The following PPP2R2D variants were observed in gnomAD, a reference collection of about 807,000 sequenced individuals.
PPP2R2D encodes protein phosphatase 2 regulatory subunit Bdelta.
A neutral mutation model predicts 31.1 loss-of-function variants in PPP2R2D; 9 were observed. The ratio of observed to expected loss-of-function variants is 0.29; its 90% CI spans 0.17 to 0.51. PPP2R2D has a LOEUF of 0.51. PPP2R2D is among the 20% of genes least tolerant of loss of function. The pLI, the probability that PPP2R2D is intolerant of heterozygous loss-of-function variation, is 0.98. For synonymous variants in PPP2R2D, 179 were observed against 172.6 expected (o/e 1.04, Z -0.29); for missense variants, 391 against 465.6 (o/e 0.84, Z 1.48).
the PPP2R2D span, chr10:131,966,646 G>A: frequency 0.019 from 2,818 of 152,284 alleles, 34 homozygotes; most frequent in Non-Finnish European, 0.029. Flanking sequence ...GAACTCCTGG[G>A]CTCAAGGGAT....
Position 131,957,913 on chromosome 10 carries a change from C to T in PPP2R2D, c.*1950C>T, listed in dbSNP as rs2036840129. ...AGATGGTGTGTGCTGATCCCCGTCC[C>T]CCTGTGGAGATGAAGGTGTGTGCTG... On this transcript the variant is annotated 3_prime_UTR_variant, in exon 9 of 9. Coordinates refer to ENST00000455566, the MANE Select transcript of PPP2R2D (RefSeq NM_018461.5). The T allele has an allele frequency of 1.4e-5, 2 of 143,814 alleles. No individual in the cohort carries two copies. Among genetic ancestry groups the T allele is most frequent in the South Asian group, 1.8e-4 (1 of 5,560 alleles). 8.9% of individuals were successfully genotyped at this position (143,814 alleles called of 1,614,324 possible). A position where few individuals can be genotyped will look rare whatever the true frequency, so the allele number is the denominator to read the frequency against.
At chr10:131,905,953 G>T (rs1402130657) in intron 2 of PPP2R2D, among the ~76,000 whole-genome samples, 2 of 152,366 alleles carry the variant, frequency 1.3e-5, no homozygotes, top group East Asian at 3.9e-4. Flanking sequence ...AAAATGGAAT[G>T]CCTTTAAAGG....
At chr10:131,962,882 G>A (rs2036942438), downstream of PPP2R2D, among the ~76,000 whole-genome samples, 1 of 152,184 alleles carries the variant, frequency 6.6e-6, no homozygotes, top group African/African-American at 2.4e-5. Context: ...ATTATCTTTG[G>A]GGCTAGGCAT....
At chr10:131,970,478 G>C in the PPP2R2D span, 1 of 1,088,406 alleles carries the variant, frequency 9.2e-7, no homozygotes, top group Non-Finnish European at 1.3e-6. The surrounding 1 kb of genome is among the most constrained non-coding windows in gnomAD (Gnocchi z 4.1). Flanking sequence ...GCAGGCTGGT[G>C]GTTTCTGGAC....
intron 2 of PPP2R2D, among the ~76,000 whole-genome samples, chr10:131,918,020 G>C (rs1478799814): frequency 2.1e-5 from 3 of 144,914 alleles, no homozygotes; most frequent in African/African-American, 7.7e-5. Flanking sequence ...GAATGACACA[G>C]TGTAGGGACC....
rs964564178 is a variant in PPP2R2D at position 131,904,415 on chromosome 10, C to T, written c.100+3085C>T. 9.3e-3 allele frequency among the ~76,000 whole-genome samples: 1,415 copies of T among 151,472 alleles called. 8 individuals carry two copies. Among genetic ancestry groups the T allele is most frequent in the Non-Finnish European group, 0.014 (959 of 67,896 alleles). ...GTCCCAGCTACTTGGGAGGCTGAGGCAGGAGAATGGCATGAACCCGGGAGG... is the reference window on the plus strand; with the variant it reads ...GTCCCAGCTACTTGGGAGGCTGAGGTAGGAGAATGGCATGAACCCGGGAGG... On this transcript the variant is annotated intron_variant, in intron 2 of 8. Coordinates refer to ENST00000455566, the MANE Select transcript of PPP2R2D (RefSeq NM_018461.5).
At chr10:131,909,563 A>G (rs934861729) in intron 2 of PPP2R2D, among the ~76,000 whole-genome samples, 4 of 152,212 alleles carry the variant, frequency 2.6e-5, no homozygotes. Context: ...TTTAGCAGGA[A>G]GACAGCCATA....
intron 2 of PPP2R2D, among the ~76,000 whole-genome samples, chr10:131,905,874 C>T (rs1418810869): frequency 1.3e-5 from 2 of 152,160 alleles, no homozygotes; most frequent in African/African-American, 4.8e-5. Flanking sequence ...TGGGATGGAG[C>T]TGTTCTTCTA....
At chr10:131,968,655 T>C in the PPP2R2D span, 2 of 1,209,772 alleles carry the variant, frequency 1.7e-6, no homozygotes. Flanking sequence ...CTCACTGTGG[T>C]TAGAGCTTAT....
chr10:131,906,469 G>T (rs1393247067), intron 2 of PPP2R2D, among the ~76,000 whole-genome samples: 2 of 152,148 alleles, frequency 1.3e-5, no homozygotes, highest in African/African-American at 4.8e-5. Context: ...TTGAGTCTGG[G>T]GAGTTATGTA....
rs117491837 is a variant in PPP2R2D at position 131,914,995 on chromosome 10, C to T, written c.100+13665C>T. On this transcript the variant is annotated intron_variant, in intron 2 of 8. Transcript: ENST00000455566. ...CCGTGCACCCCTAATAGTGACTCAG[C>T]ACTGCTTAGCACCCCACCTTCTGTT... is the stretch of plus-strand genomic sequence containing the variant. 2.8e-3 allele frequency among the ~76,000 whole-genome samples: 429 copies of T among 152,190 alleles called. 1 individual carries two copies. The highest frequency in any genetic ancestry group is 0.017 in the Middle Eastern group (5 of 294).
intron 3 of PPP2R2D, among the ~76,000 whole-genome samples, chr10:131,935,226 G>A (rs1267569593): frequency 3.3e-5 from 5 of 152,242 alleles, no homozygotes; most frequent in African/African-American, 1.2e-4. Context: ...AAGGAAGCAA[G>A]ATCATGATTT....
chr10:131,944,661 C>G (rs1434553738), intron 6 of PPP2R2D, among the ~76,000 whole-genome samples: 1 of 152,162 alleles, frequency 6.6e-6, no homozygotes. Flanking sequence ...TCTCCAGGGT[C>G]CCTGCCGTCC....
At chr10:131,906,418 T>G (rs987802544) in intron 2 of PPP2R2D, among the ~76,000 whole-genome samples, 8 of 152,240 alleles carry the variant, frequency 5.3e-5, no homozygotes, top group South Asian at 2.1e-4. Flanking sequence ...TCTAAAGAGA[T>G]AGACTAAACA....
At chr10:131,940,266 T>A in intron 4 of PPP2R2D, 70 bp downstream of exon 4, 2 of 576,724 alleles carry the variant, frequency 3.5e-6, no homozygotes, top group Non-Finnish European at 6.3e-6. Context: ...GTGTGTAGAT[T>A]CCTTTTTATT....
chr10:131,951,246 G>A (rs186556472), intron 8 of PPP2R2D, among the ~76,000 whole-genome samples: 8 of 152,336 alleles, frequency 5.3e-5, no homozygotes, highest in Non-Finnish European at 8.8e-5. Flanking sequence ...ACATTCAGTC[G>A]GGTTGGGAGC....
chr10:131,945,153 G>A lies in PPP2R2D; in HGVS notation c.656-142G>A, dbSNP rs987766082. On this transcript the variant is annotated intron_variant, in intron 6 of 8. Transcript: ENST00000455566. The surrounding 1 kb of genome is among the most constrained non-coding windows in gnomAD (Gnocchi z 4.8). The stretch of plus-strand genomic sequence containing the variant: ...CTTACCAGGCGCTCCTTTGGAATTC[G>A]GGATGTGTAACCAGCCTTCTTAATA... The A allele has an allele frequency of 9.3e-5, 88 of 946,162 alleles. No individual in the cohort carries two copies. The highest frequency in any genetic ancestry group is 1.9e-4 in the Admixed American group (6 of 31,202). 58.6% of individuals were successfully genotyped at this position (946,162 alleles called of 1,614,324 possible).
intron 2 of PPP2R2D, chr10:131,912,285 C>A (rs2035697317): frequency 6.6e-6 from 1 of 152,250 alleles, no homozygotes; most frequent in African/African-American, 2.4e-5. Flanking sequence ...TGATCAGGCT[C>A]AAGCAATCCT....
intron 8 of PPP2R2D, among the ~76,000 whole-genome samples, chr10:131,953,773 G>T (rs1465827904): frequency 9.5e-5 from 14 of 146,980 alleles, no homozygotes; most frequent in Non-Finnish European, 1.8e-4. Flanking sequence ...ACTTGCGAGT[G>T]TGCGGGGGGT....
Sources: allele counts gnomAD v4.1 joint callset (sites outside exome capture counted in the v4.1 genomes callset), GRCh38; gene constraint gnomAD v4.1.1; non-coding constraint Gnocchi (gnomAD v3.1); transcripts MANE v1.5; gene names NCBI Gene and HGNC (gene_info 2026-07-23, HGNC 2026-07-21).